The following TOP1 variants were observed in gnomAD, a reference collection of about 807,000 sequenced individuals.
TOP1 encodes the protein DNA topoisomerase 1.
A neutral mutation model predicts 111.1 loss-of-function variants in TOP1; 10 were observed. The observed-to-expected ratio is 0.09, with a 90% CI of 0.06 to 0.15. The LOEUF is 0.15. Among genes scored for constraint, TOP1 ranks in the 10% least tolerant of loss-of-function variants. The pLI is 1.00. For synonymous variants in TOP1, 271 were observed against 302.9 expected (o/e 0.89, Z 1.10); for missense variants, 474 against 926.7 (o/e 0.51, Z 6.34).
In TOP1 at chr20:41,029,062, G is replaced by A; in HGVS notation, c.-6G>A. 6.5e-7 allele frequency: 1 copy of A among 1,546,512 alleles called. No homozygotes were observed. On this transcript the variant is annotated 5_prime_UTR_variant, in exon 1 of 21. Transcript: ENST00000361337. The surrounding 1 kb of genome is among the most constrained non-coding windows in gnomAD (Gnocchi z 6.1). ...CCTGCCGCCGCGCTCGTCCCTCCGG[G>A]CCGACATGAGTGGGGACCACCTCCA...
At position 41,116,425 on chromosome 20, in the gene TOP1, C is replaced by G. The variant is rs1377677715; in HGVS notation, c.1822+33C>G. Reference sequence around the variant, plus strand: ...TTGCTTGGCCAGATAGGGCCCACACCCCTACTAATGGTATCCGGTGACCTT... The same window carrying G: ...TTGCTTGGCCAGATAGGGCCCACACGCCTACTAATGGTATCCGGTGACCTT... On this transcript the variant is annotated intron_variant, in intron 17 of 20. Coordinates refer to ENST00000361337, the MANE Select transcript of TOP1 (RefSeq NM_003286.4). The surrounding 1 kb of genome is among the most constrained non-coding windows in gnomAD (Gnocchi z 5.6). The G allele has an allele frequency of 2.0e-6, 3 of 1,522,414 alleles. No individual in the cohort carries two copies. The highest frequency in any genetic ancestry group is 2.7e-6 in the Non-Finnish European group (3 of 1,096,774). The allele number at this position is 1,522,414 out of a possible 1,614,324, so 94.3% of individuals were successfully genotyped here. A position where few individuals can be genotyped will look rare whatever the true frequency, so the allele number is the denominator to read the frequency against.
At chr20:41,077,909 A>G (rs918490372) in intron 5 of TOP1, among the ~76,000 whole-genome samples, 8 of 150,796 alleles carry the variant, frequency 5.3e-5, no homozygotes, top group Admixed American at 2.6e-4. Context: ...TTTGACTTGC[A>G]TATCACAAAA....
rs1030032983 is a variant in TOP1 at position 41,029,183 on chromosome 20, C to T, written c.33+83C>T. 55 of 1,144,726 alleles carry T rather than the reference C, an allele frequency of 4.8e-5. No homozygotes were observed. The highest frequency in any genetic ancestry group is 8.3e-5 in the Admixed American group (2 of 24,066). 70.9% of individuals were successfully genotyped at this position (1,144,726 alleles called of 1,614,324 possible). A position where few individuals can be genotyped will look rare whatever the true frequency, so the allele number is the denominator to read the frequency against. On this transcript the variant is annotated intron_variant, in intron 1 of 20. Coordinates refer to ENST00000361337, the MANE Select transcript of TOP1 (RefSeq NM_003286.4). This position sits in a 1 kb window ranked among gnomAD's most constrained non-coding sequence, Gnocchi z 6.1. ...CCGGCGCAGGCCCCGACCCCAGCCCCGGCCCGGCAGCTTTGACAGGCCGGA... is the reference window on the plus strand; with the variant it reads ...CCGGCGCAGGCCCCGACCCCAGCCCTGGCCCGGCAGCTTTGACAGGCCGGA...
chr20:41,117,826 G>A (rs2034358409), intron 17 of TOP1, among the ~76,000 whole-genome samples: 1 of 152,134 alleles, frequency 6.6e-6, no homozygotes, highest in Admixed American at 6.5e-5. Context: ...CAGCACCTAT[G>A]ATGAGCATAT....
At chr20:41,090,758 A>G (rs1192532733) in intron 8 of TOP1, among the ~76,000 whole-genome samples, 9 of 152,218 alleles carry the variant, frequency 5.9e-5, no homozygotes, top group Admixed American at 2.6e-4. Flanking sequence ...CGCCCACCCC[A>G]GCCTCCCAAA....
intron 2 of TOP1, among the ~76,000 whole-genome samples, chr20:41,042,746 A>G (rs141717101): frequency 1.7e-3 from 261 of 152,330 alleles, no homozygotes; most frequent in African/African-American, 6.1e-3. Flanking sequence ...CTAATAGCCT[A>G]CTGTTGACCA....
At position 41,116,527 on chromosome 20, in the gene TOP1, T is replaced by C; in HGVS notation, c.1822+135T>C. 9.6e-6 allele frequency: 6 copies of C among 627,106 alleles called. No homozygotes were observed. The highest frequency in any genetic ancestry group is 1.7e-5 in the Non-Finnish European group (6 of 353,022). 38.8% of individuals were successfully genotyped at this position (627,106 alleles called of 1,614,324 possible). ...CAGACACTTTTTCCCTTTAGACCTC[T>C]AGTAGCGAGATAATGCTTTGTTGTA... On this transcript the variant is annotated intron_variant, in intron 17 of 20. Transcript: ENST00000361337. This position sits in a 1 kb window ranked among gnomAD's most constrained non-coding sequence, Gnocchi z 5.6.
chr20:41,029,329 C>G lies in TOP1; in HGVS notation c.34-102C>G. ...CTGTGGCCACCCCCGGGTCCCCGTC[C>G]TCCCCGGGGGCGCAGGGTGAGCCAG... On this transcript the variant is annotated intron_variant, in intron 1 of 20. Transcript: ENST00000361337. The surrounding 1 kb of genome is among the most constrained non-coding windows in gnomAD (Gnocchi z 6.1). The G allele has an allele frequency of 4.5e-6, 5 of 1,115,672 alleles. No individual in the cohort carries two copies. Among genetic ancestry groups the G allele is most frequent in the Non-Finnish European group, 6.1e-6 (5 of 815,310 alleles). The allele number at this position is 1,115,672 out of a possible 1,614,324, so 69.1% of individuals were successfully genotyped here.
At chr20:41,031,640 A>G (rs1465475328) in intron 2 of TOP1, among the ~76,000 whole-genome samples, 1 of 152,244 alleles carries the variant, frequency 6.6e-6, no homozygotes, top group Non-Finnish European at 1.5e-5. Context: ...AATCCTTGGA[A>G]GGACCCTTGT....
intron 3 of TOP1, among the ~76,000 whole-genome samples, chr20:41,075,065 T>A (rs1315301340): frequency 1.3e-5 from 2 of 152,226 alleles, no homozygotes; most frequent in African/African-American, 4.8e-5. Context: ...CAGTTTCCCC[T>A]CTTGTTAGGT....
chr20:41,054,293 C>T (rs181096947), intron 2 of TOP1, among the ~76,000 whole-genome samples: 44 of 152,154 alleles, frequency 2.9e-4, no homozygotes, highest in Non-Finnish European at 6.0e-4. Context: ...TAAGGGGCTT[C>T]CCCACCCCGC....
At position 41,123,170 on chromosome 20, in the gene TOP1, C is replaced by T. The variant is rs755806638; in HGVS notation, c.2196-25C>T. The T allele has an allele frequency of 3.2e-6, 5 of 1,554,428 alleles. No individual in the cohort carries two copies. The highest frequency in any genetic ancestry group is 4.4e-6 in the Non-Finnish European group (5 of 1,126,070). On this transcript the variant is annotated intron_variant, in intron 20 of 20. Coordinates refer to ENST00000361337, the MANE Select transcript of TOP1 (RefSeq NM_003286.4). The surrounding 1 kb of genome is among the most constrained non-coding windows in gnomAD (Gnocchi z 5.8). ...GCCATTGCTGAGTCACCCTAATCCC[C>T]CCCTTATTTCTCCTTTGTTTGCAGG...
intron 5 of TOP1, among the ~76,000 whole-genome samples, chr20:41,077,948 A>AT (rs57349578): frequency 0.01 from 1,346 of 129,508 alleles, 8 homozygotes; most frequent in Middle Eastern, 0.038. Context: ...ACAGTGTACC[A>AT]TTTTTTTTTT....
In TOP1 at chr20:41,094,684, T is replaced by C. The variant is rs935131193; in HGVS notation, c.730+2097T>C. 2.0e-5 allele frequency among the ~76,000 whole-genome samples: 3 copies of C among 152,192 alleles called. No individual in the cohort carries two copies. Among genetic ancestry groups the C allele is most frequent in the African/African-American group, 4.8e-5 (2 of 41,440 alleles). On this transcript the variant is annotated intron_variant, in intron 9 of 20. Transcript: ENST00000361337. This position sits in a 1 kb window ranked among gnomAD's most constrained non-coding sequence, Gnocchi z 4.4. ...CTCTGCAGTAAGTCAAGAAGTCATATTTGACTTTACTTCAAACTGATACAG... is the reference window on the plus strand; with the variant it reads ...CTCTGCAGTAAGTCAAGAAGTCATACTTGACTTTACTTCAAACTGATACAG...
intron 18 of TOP1, among the ~76,000 whole-genome samples, chr20:41,120,902 T>A (rs890637086): frequency 6.6e-6 from 1 of 152,148 alleles, no homozygotes; most frequent in Non-Finnish European, 1.5e-5. Context: ...CCACCACGCC[T>A]GGCTAATTTT....
intron 2 of TOP1, among the ~76,000 whole-genome samples, chr20:41,045,461 G>A (rs1054905211): frequency 6.6e-6 from 1 of 152,170 alleles, no homozygotes; most frequent in Admixed American, 6.5e-5. Flanking sequence ...GCAGTTGTAC[G>A]TTTTATTTGA....
intron 2 of TOP1, among the ~76,000 whole-genome samples, chr20:41,044,289 AAAG>A (rs2033304903): frequency 6.6e-6 from 1 of 152,186 alleles, no homozygotes; most frequent in African/African-American, 2.4e-5. Flanking sequence ...AAAAAGAAAA[AAAG>A]AAATGCAATT....
intron 2 of TOP1, among the ~76,000 whole-genome samples, chr20:41,044,914 G>A (rs75354403): frequency 0.095 from 14,373 of 152,050 alleles, 929 homozygotes; most frequent in African/African-American, 0.18. Flanking sequence ...TCAGCCTCCC[G>A]ATAGCTAGGA....
intron 9 of TOP1, among the ~76,000 whole-genome samples, chr20:41,093,730 A>G (rs1057070491): frequency 2.1e-4 from 32 of 152,216 alleles, no homozygotes; most frequent in African/African-American, 7.2e-4. Context: ...GCTGAAAAGC[A>G]TCAGTGGTGA....
Sources: allele counts gnomAD v4.1 joint callset (sites outside exome capture counted in the v4.1 genomes callset), GRCh38; gene constraint gnomAD v4.1.1; non-coding constraint Gnocchi (gnomAD v3.1); transcripts MANE v1.5; gene names NCBI Gene and HGNC (gene_info 2026-07-23, HGNC 2026-07-21).